HSF1: variants seen among roughly 807,000 people sequenced by gnomAD.
HSF1 encodes heat shock transcription factor 1, also known as heat shock factor protein 1.
A neutral mutation model predicts 51.7 loss-of-function variants in HSF1; 32 were observed. The observed-to-expected ratio is 0.62, with a 90% CI of 0.47 to 0.83. The LOEUF is 0.83. HSF1 is among the 40% of genes least tolerant of loss of function. The pLI is 0.00. For synonymous variants in HSF1, 396 were observed against 309.7 expected, an observed-to-expected ratio of 1.28 and a Z score of -2.92; for missense variants, 727 against 717.0, an observed-to-expected ratio of 1.01 and a Z score of -0.16.
intron 9 of HSF1, chr8:144,312,640 T>A: frequency 6.5e-7 from 1 of 1,535,322 alleles, no homozygotes; most frequent in East Asian, 2.4e-5. Flanking sequence ...TGGCTCGCAC[T>A]CCACAGATGT....
At chr8:144,313,380 C>A (rs1816818159) in intron 9 of HSF1, 131 bp from the exon 10 acceptor site, 1 of 646,744 alleles carries the variant, frequency 1.5e-6, no homozygotes, top group Non-Finnish European at 2.8e-6. Flanking sequence ...GCGCTGCCCC[C>A]TCCAGCCTGT....
At chr8:144,294,480 C>T (rs1815325128) in intron 1 of HSF1, among the ~76,000 whole-genome samples, 2 of 152,220 alleles carry the variant, frequency 1.3e-5, no homozygotes, top group Non-Finnish European at 2.9e-5. Flanking sequence ...GAAAAACCCT[C>T]CCTATTTGAC....
At chr8:144,314,100 CG>C in intron 12 of HSF1, 24 bp from the exon 13 acceptor site, 1 of 1,530,844 alleles carries the variant, frequency 6.5e-7, no homozygotes, top group Non-Finnish European at 8.8e-7. Flanking sequence ...AACCCCCCAC[CG>C]CCTTGACACC....
intron 1 of HSF1, among the ~76,000 whole-genome samples, chr8:144,296,929 G>GA (rs1422104389): frequency 6.6e-6 from 1 of 151,972 alleles, no homozygotes; most frequent in Non-Finnish European, 1.5e-5. Flanking sequence ...TGGTGTGGTG[G>GA]GGGGGGTGCG....
At chr8:144,298,707 C>A (rs1554841768) in intron 1 of HSF1, among the ~76,000 whole-genome samples, 2 of 152,328 alleles carry the variant, frequency 1.3e-5, no homozygotes, top group Middle Eastern at 3.4e-3. Context: ...TGCAGAGAAC[C>A]CAACAAACCC....
intron 1 of HSF1, among the ~76,000 whole-genome samples, chr8:144,296,256 C>T (rs954046974): frequency 2.0e-5 from 3 of 152,194 alleles, no homozygotes; most frequent in Non-Finnish European, 4.4e-5. Context: ...GCCGACCTGG[C>T]CACGCTCAGT....
At chr8:144,312,578 C>T in intron 9 of HSF1, 2 of 1,457,224 alleles carry the variant, frequency 1.4e-6, no homozygotes, top group Non-Finnish European at 1.9e-6. Flanking sequence ...CCGGCCTCCA[C>T]ACCCCCAGCC....
At chr8:144,309,334 G>T in intron 2 of HSF1, 121 bp from the exon 3 acceptor site, 1 of 1,402,764 alleles carries the variant, frequency 7.1e-7, no homozygotes, top group Non-Finnish European at 9.8e-7. Context: ...TGGGCTCTGA[G>T]GGGGCAGGGC....
At chr8:144,301,091 G>C (rs1243378082) in intron 1 of HSF1, among the ~76,000 whole-genome samples, 1 of 152,156 alleles carries the variant, frequency 6.6e-6, no homozygotes, top group East Asian at 1.9e-4. Context: ...ACGTATTTGA[G>C]GTTCCAGAAA....
rs1815104029 is a variant in HSF1, at chr8:144,291,802, C to T, written c.45C>T (p.Val15=). The change falls in exon 1 of 13, where the codon GTC becomes GTT. Residue 15 remains valine (V), a synonymous_variant. Transcript: ENST00000528838. The surrounding 1 kb of genome is among the most constrained non-coding windows in gnomAD (Gnocchi z 4.1). Reference sequence around the variant, plus strand: ...CCGGCGCGGCGGGGCCCAGCAACGTCCCGGCCTTCCTGACCAAGCTGTGGA... The same window carrying T: ...CCGGCGCGGCGGGGCCCAGCAACGTTCCGGCCTTCCTGACCAAGCTGTGGA... ...VGPGAAGPSN[V]PAFLTKLWTL... The T allele has an allele frequency of 6.4e-7, 1 of 1,551,590 alleles. No individual in the cohort carries two copies. Among genetic ancestry groups the T allele is most frequent in the Admixed American group, 1.8e-5 (1 of 54,264 alleles).
intron 1 of HSF1, among the ~76,000 whole-genome samples, chr8:144,303,645 A>G (rs1210585723): frequency 1.3e-5 from 2 of 152,196 alleles, no homozygotes; most frequent in African/African-American, 2.4e-5. Context: ...TGGGAAGCCA[A>G]GGTGGGTGGA....
At chr8:144,292,025 G>T (rs1815124775) in intron 1 of HSF1, 151 bp downstream of exon 1, 2 of 455,916 alleles carry the variant, frequency 4.4e-6, no homozygotes. Context: ...AGGGCGGCGG[G>T]TCCCGAGCCT....
In HSF1 at chr8:144,314,652, A is replaced by G; in HGVS notation, c.*322A>G. 2.6e-6 allele frequency: 1 copy of G among 390,320 alleles called. No homozygotes were observed. The allele number at this position is 390,320 out of a possible 1,614,324, so 24.2% of individuals were successfully genotyped here. A position where few individuals can be genotyped will look rare whatever the true frequency, so the allele number is the denominator to read the frequency against. On this transcript the variant is annotated 3_prime_UTR_variant, in exon 13 of 13. Transcript: ENST00000528838. ...CCCGTTCCCCGCTCCACAGAGATAC[A>G]CAGATATATACACACAGTGGATGGA...
chr8:144,311,859 C>T, intron 8 of HSF1, 23 bp downstream of exon 8: 1 of 1,591,876 alleles, frequency 6.3e-7, no homozygotes. Flanking sequence ...TCACCCCAGC[C>T]ATCCTGTCCC....
At chr8:144,313,373 C>A in intron 9 of HSF1, 138 bp from the exon 10 acceptor site, 1 of 623,386 alleles carries the variant, frequency 1.6e-6, no homozygotes, top group Non-Finnish European at 2.9e-6. Flanking sequence ...CTCGAATGCG[C>A]TGCCCCCTCC....
chr8:144,304,238 A>G (rs1816075107), intron 1 of HSF1, among the ~76,000 whole-genome samples: 1 of 152,216 alleles, frequency 6.6e-6, no homozygotes, highest in African/African-American at 2.4e-5. Flanking sequence ...GCTGAGGCTC[A>G]GATGCCACCA....
chr8:144,291,899 G>A lies in HSF1; in HGVS notation c.117+25G>A. 5.1e-6 allele frequency: 7 copies of A among 1,372,390 alleles called. No individual in the cohort carries two copies. The highest frequency in any genetic ancestry group is 6.8e-6 in the Non-Finnish European group (7 of 1,032,924). 85.0% of individuals were successfully genotyped at this position (1,372,390 alleles called of 1,614,324 possible). ...GGTGAGGGCAGCGCGCGGGCGCGGG[G>A]CCCGTGGGGACCGGGAGGGAGCAGG... On this transcript the variant is annotated intron_variant, in intron 1 of 12. Transcript: ENST00000528838. The surrounding 1 kb of genome is among the most constrained non-coding windows in gnomAD (Gnocchi z 4.1).
At chr8:144,312,928 C>T in intron 9 of HSF1, 1 of 589,992 alleles carries the variant, frequency 1.7e-6, no homozygotes, top group Non-Finnish European at 3.0e-6. Flanking sequence ...GACAGGCCTC[C>T]CTGCTCTGGC....
Position 144,314,208 on chromosome 8 carries a change from G to A in HSF1, c.1468G>A (p.Val490Met). ...GGACACCGGGAGCAACGACCTGCCG[G>A]TGCTGTTTGAGCTGGGAGAGGGCTC... ...SVDTGSNDLP[V>M]LFELGEGSYF... Residue 490 changes from valine (V) to methionine (M), a missense_variant, in exon 13 of 13, where the codon GTG (valine) becomes ATG (methionine). Val to Met is a conservative substitution (Grantham distance 21, BLOSUM62 1). Transcript: ENST00000528838. The A allele has an allele frequency of 1.3e-6, 2 of 1,550,172 alleles. No individual in the cohort carries two copies. Among genetic ancestry groups the A allele is most frequent in the African/African-American group, 1.4e-5 (1 of 73,148 alleles).
Sources: allele counts gnomAD v4.1 joint callset (sites outside exome capture counted in the v4.1 genomes callset), GRCh38; gene constraint gnomAD v4.1.1; non-coding constraint Gnocchi (gnomAD v3.1); transcripts MANE v1.5; gene names NCBI Gene and HGNC (gene_info 2026-07-23, HGNC 2026-07-21).